Variants in RANBP3 observed in about 807,000 individuals in gnomAD.
The protein encoded by RANBP3 is RAN binding protein 3.
RANBP3 carries 14 observed loss-of-function variants against 77.3 expected under a neutral mutation model. The ratio of observed to expected loss-of-function variants is 0.18; its 90% confidence interval spans 0.12 to 0.28. The LOEUF (loss-of-function observed/expected upper bound fraction) is 0.28. Ranked by LOEUF, RANBP3 falls within the 10% of genes least tolerant of loss-of-function variation. The pLI is 1.00. For missense variants in RANBP3, 586 were observed against 752.3 expected (o/e 0.78, Z 2.59); for synonymous variants, 315 against 312.4 (o/e 1.01, Z -0.09).
Position 5,935,388 on chromosome 19 carries a change from T to C in RANBP3, c.407-1909A>G, listed in dbSNP as rs574069821. 5.9e-5 allele frequency among the ~76,000 whole-genome samples: 9 copies of C among 152,238 alleles called. No homozygotes were observed. The East Asian group carries it at 1.7e-3, about 29-fold the overall frequency. ...AGCCAGATCCTGCAGGATGCGGGGG[T>C]GAGCCGCCAGATGTTCCTTTTCCGA... On this transcript the variant is annotated intron_variant, in intron 5 of 16. Transcript: ENST00000340578.
chr19:5,976,393 T>G (rs2058591168), intron 1 of RANBP3: 3 of 152,194 alleles, frequency 2.0e-5, no homozygotes, highest in African/African-American at 7.2e-5. Context: ...AGTCCCTCTG[T>G]AACTAGATCT....
At chr19:5,948,208 T>C (rs1390300495) in intron 3 of RANBP3, among the ~76,000 whole-genome samples, 1 of 152,028 alleles carries the variant, frequency 6.6e-6, no homozygotes, top group Non-Finnish European at 1.5e-5. Context: ...CCCAGCACTT[T>C]GGGAGGCCGA....
At chr19:5,951,730 G>A (rs2058279258) in intron 2 of RANBP3, 134 bp from the exon 3 acceptor site, 1 of 796,306 alleles carries the variant, frequency 1.3e-6, no homozygotes, top group Non-Finnish European at 2.0e-6. Context: ...AAGATGGGGA[G>A]AGCAGGCACC....
intron 5 of RANBP3, among the ~76,000 whole-genome samples, chr19:5,940,929 T>C (rs2058127496): frequency 6.6e-6 from 1 of 152,246 alleles, no homozygotes; most frequent in South Asian, 2.1e-4. Context: ...GACGGCATTA[T>C]CTGCCTCAGG....
chr19:5,917,718 C>T (rs2057759622), intron 16 of RANBP3, 65 bp from the exon 17 acceptor site: 6 of 1,589,084 alleles, frequency 3.8e-6, no homozygotes, highest in Non-Finnish European at 5.1e-6. Flanking sequence ...GCCACCCCCG[C>T]CAGGAGATCA....
chr19:5,941,320 G>A (rs2058133654), intron 5 of RANBP3, among the ~76,000 whole-genome samples: 1 of 152,122 alleles, frequency 6.6e-6, no homozygotes, highest in Admixed American at 6.5e-5. Context: ...AACAGGCAGA[G>A]GCCCCAACAG....
chr19:5,926,293 T>A (rs1192873323), intron 9 of RANBP3, among the ~76,000 whole-genome samples: 1 of 152,102 alleles, frequency 6.6e-6, no homozygotes, highest in Non-Finnish European at 1.5e-5. Context: ...GTGCCTGTAA[T>A]ACCAGCACTT....
intron 1 of RANBP3, among the ~76,000 whole-genome samples, chr19:5,969,333 A>G (rs1225849002): frequency 6.6e-6 from 1 of 152,208 alleles, no homozygotes; most frequent in African/African-American, 2.4e-5. Context: ...CAAGTTCTCA[A>G]GGACCGTTTC....
chr19:5,972,648 G>A (rs2058544205), intron 1 of RANBP3, among the ~76,000 whole-genome samples: 2 of 152,146 alleles, frequency 1.3e-5, no homozygotes, highest in Non-Finnish European at 1.5e-5. Flanking sequence ...TCTCTTCTCA[G>A]ATTCCCCAAA....
intron 3 of RANBP3, among the ~76,000 whole-genome samples, chr19:5,943,701 G>A (rs1016889828): frequency 6.6e-6 from 1 of 152,178 alleles, no homozygotes; most frequent in Non-Finnish European, 1.5e-5. Context: ...GTGTTCTGAG[G>A]GGGCTTTGGA....
At chr19:5,935,467 C>T (rs1260663367) in intron 5 of RANBP3, among the ~76,000 whole-genome samples, 1 of 152,262 alleles carries the variant, frequency 6.6e-6, no homozygotes, top group Non-Finnish European at 1.5e-5. Context: ...AGACGACTGG[C>T]AATTTAGATA....
intron 5 of RANBP3, among the ~76,000 whole-genome samples, chr19:5,936,171 G>C (rs895020200): frequency 1.3e-4 from 20 of 152,262 alleles, no homozygotes; most frequent in African/African-American, 4.8e-4. Flanking sequence ...CAGCCTGGCT[G>C]GAGCTGGGGT....
At chr19:5,954,492 TG>T (rs1250484835) in intron 2 of RANBP3, among the ~76,000 whole-genome samples, 1 of 152,184 alleles carries the variant, frequency 6.6e-6, no homozygotes, top group African/African-American at 2.4e-5. Context: ...AAATGTCACA[TG>T]GGCTTAACTT....
chr19:5,924,996 G>C lies in RANBP3; in HGVS notation c.918-91C>G. 1 of 1,218,140 alleles carries C rather than the reference G, an allele frequency of 8.2e-7. No homozygotes were observed. The allele number at this position is 1,218,140 out of a possible 1,614,324, so 75.5% of individuals were successfully genotyped here. On this transcript the variant is annotated intron_variant, in intron 10 of 16. Coordinates refer to ENST00000340578, the MANE Select transcript of RANBP3 (RefSeq NM_007322.3). This position sits in a 1 kb window ranked among gnomAD's most constrained non-coding sequence, Gnocchi z 4.7. Reference sequence around the variant, plus strand: ...TACCCATGGAGCACACACTGACACAGAGGGCACAGTGGAGGGGCCTCCGCC... The same window carrying C: ...TACCCATGGAGCACACACTGACACACAGGGCACAGTGGAGGGGCCTCCGCC...
chr19:5,972,612 C>T (rs1568484596), intron 1 of RANBP3, among the ~76,000 whole-genome samples: 1 of 152,198 alleles, frequency 6.6e-6, no homozygotes, highest in Non-Finnish European at 1.5e-5. Context: ...TTTTGTGGTC[C>T]TCTGGTAAGT....
chr19:5,944,387 G>C (rs2058177328), intron 3 of RANBP3, among the ~76,000 whole-genome samples: 1 of 152,212 alleles, frequency 6.6e-6, no homozygotes, highest in Non-Finnish European at 1.5e-5. Context: ...TGACATCTGT[G>C]GGGTGGGTAC....
At position 5,931,384 on chromosome 19, in the gene RANBP3, C is replaced by A; in HGVS notation, c.693+20G>T. 1 of 1,592,988 alleles carries A rather than the reference C, an allele frequency of 6.3e-7. No homozygotes were observed. Among genetic ancestry groups the A allele is most frequent in the Non-Finnish European group, 8.6e-7 (1 of 1,164,592 alleles). ...AAGGGGCCTAGCATGCAGCGCTTCC[C>A]TGCCTCAGGACCCACTGACCTCAAG... On this transcript the variant is annotated intron_variant, in intron 8 of 16. Transcript: ENST00000340578.
At position 5,958,005 on chromosome 19, in the gene RANBP3, C is replaced by A. The variant is rs2058355991; in HGVS notation, c.23-32G>T. 6.2e-7 allele frequency: 1 copy of A among 1,603,222 alleles called. No homozygotes were observed. Among genetic ancestry groups the A allele is most frequent in the South Asian group, 1.1e-5 (1 of 90,804 alleles). On this transcript the variant is annotated intron_variant, in intron 1 of 16. Coordinates refer to ENST00000340578, the MANE Select transcript of RANBP3 (RefSeq NM_007322.3). This position sits in a 1 kb window ranked among gnomAD's most constrained non-coding sequence, Gnocchi z 4.4. ...AAAGAAAAATTAGTTTTTTTCCCCCCAACACTATATGCATACAGTAAACAA... is the reference window on the plus strand; with the variant it reads ...AAAGAAAAATTAGTTTTTTTCCCCCAAACACTATATGCATACAGTAAACAA...
intron 7 of RANBP3, among the ~76,000 whole-genome samples, chr19:5,931,809 G>C (rs904522498): frequency 1.3e-5 from 2 of 152,170 alleles, no homozygotes; most frequent in Non-Finnish European, 2.9e-5. Flanking sequence ...GAAGCGGGGA[G>C]AATGCTTGGG....
Sources: gnomAD v4.1 joint callset for allele counts (sites outside exome capture counted in the v4.1 genomes callset) on GRCh38, gnomAD v4.1.1 for gene constraint, Gnocchi (gnomAD v3.1) non-coding constraint, MANE v1.5 for transcripts, NCBI Gene and HGNC (gene_info 2026-07-23, HGNC 2026-07-21) for gene names.